Variants in F8 observed in about 807,000 individuals in gnomAD.
F8 encodes antihemophilic factor.
In F8, 12 loss-of-function variants were observed where a neutral mutation model predicts 140.6. That is an observed-to-expected ratio of 0.09 (90% confidence interval 0.05 to 0.14). The LOEUF (loss-of-function observed/expected upper bound fraction) is 0.14. Ranked by LOEUF, F8 falls within the 10% of genes least tolerant of loss-of-function variation. F8 has a pLI of 1.00. For missense variants in F8, 1,354 were observed against 1,720.7 expected (o/e 0.79, Z 3.77); for synonymous variants, 585 against 614.6 (o/e 0.95, Z 0.71).
intron 10 of F8, among the ~76,000 whole-genome samples, chrX:154,958,214 C>T (rs2073375393): frequency 9.0e-6 from 1 of 111,706 alleles, no homozygotes; most frequent in Non-Finnish European, 1.9e-5. Context: ...CTGCAACTCT[C>T]CTCTCCCCAT....
At chrX:154,912,695 G>C (rs2073074594) in intron 14 of F8, among the ~76,000 whole-genome samples, 1 of 111,999 alleles carries the variant, frequency 8.9e-6, no homozygotes, top group African/African-American at 3.2e-5. Context: ...GTCTGTATTA[G>C]TCTGTTTTCC....
At chrX:154,947,561 A>G (rs2124081896) in intron 13 of F8, 137 bp downstream of exon 13, 1 of 544,380 alleles carries the variant, frequency 1.8e-6, no homozygotes, top group East Asian at 3.3e-5. Context: ...ATAACTACTC[A>G]GAGGAGAAAC....
rs1474761921 is a variant in F8 at position 154,901,585 on chromosome X, T to G, written c.6116-143A>C. 6 of 542,709 alleles carry G rather than the reference T, an allele frequency of 1.1e-5. No homozygotes were observed. In the African/African-American group the frequency reaches 1.4e-4, roughly 12 times the overall value. The allele number at this position is 542,709 out of a possible 1,213,427, so 44.7% of individuals were successfully genotyped here. On this transcript the variant is annotated intron_variant, in intron 19 of 25. Transcript: ENST00000360256. The stretch of plus-strand genomic sequence containing the variant: ...CCAAGAACTGTACTCAACGTTTTAC[T>G]GTATTAGTTCATTTAATTAATCCTA...
chrX:154,895,931 T>A (rs2072976433), intron 22 of F8, 146 bp downstream of exon 22: 16 of 574,236 alleles, frequency 2.8e-5, no homozygotes, highest in Non-Finnish European at 4.4e-5. Flanking sequence ...TTTGCTGATA[T>A]GTCCGTAATA....
chrX:154,958,886 G>T (rs2073379716), intron 10 of F8, among the ~76,000 whole-genome samples: 1 of 111,539 alleles, frequency 9.0e-6, no homozygotes, highest in African/African-American at 3.3e-5. Flanking sequence ...AAAGTGCTGG[G>T]ATTACAGGCG....
chrX:155,001,312 CTTT>C (rs35281198), intron 1 of F8, among the ~76,000 whole-genome samples: 2,637 of 75,706 alleles, frequency 0.035, 33 homozygotes, highest in Non-Finnish European at 0.053. Flanking sequence ...TATCGTAAAT[CTTT>C]TTTTTTTTTT....
Position 154,956,967 on chromosome X carries a change from C to G in F8, c.1742G>C (p.Arg581Thr). The G allele has an allele frequency of 8.3e-7, 1 of 1,210,290 alleles. No homozygotes were observed. ...LICYKESVDQ[R>T]GNQIMSDKRN... ...AAGGCAAGAACTCACCTGGTTTCCT[C>G]TTTGATCTACAGATTCTTTGTAGCA... Residue 581 changes from arginine (R) to threonine (T), a missense_variant, in exon 11 of 26, where the codon AGA becomes ACA. By Grantham distance (71) the Arg-to-Thr change is moderately conservative. Transcript: ENST00000360256.
At chrX:154,863,004 C>T (rs192846327) in intron 23 of F8, 79 bp downstream of exon 23, 4 of 1,090,458 alleles carry the variant, frequency 3.7e-6, no homozygotes, top group Middle Eastern at 2.5e-4. Flanking sequence ...ACCCCTCCCC[C>T]AGTCTCAGGA....
At chrX:154,916,329 G>A (rs1557277105) in intron 14 of F8, among the ~76,000 whole-genome samples, 2 of 112,033 alleles carry the variant, frequency 1.8e-5, no homozygotes, top group African/African-American at 6.5e-5. Context: ...CTTGTAGAAT[G>A]AGTTTGGAAA....
intron 21 of F8, chrX:154,897,809 C>A (rs1459973942): frequency 8.9e-6 from 1 of 112,473 alleles, no homozygotes; most frequent in Non-Finnish European, 1.9e-5. Context: ...TAGAACCAGG[C>A]TACAATAAAG....
At chrX:154,840,812 C>T (rs1306741580) in intron 25 of F8, among the ~76,000 whole-genome samples, 1 of 112,008 alleles carries the variant, frequency 8.9e-6, no homozygotes, top group African/African-American at 3.2e-5. Flanking sequence ...CACAAAATCA[C>T]ATTTAAAGCT....
intron 3 of F8, 78 bp from the exon 4 acceptor site, chrX:154,993,226 A>G: frequency 2.4e-6 from 2 of 845,708 alleles, no homozygotes; most frequent in Non-Finnish European, 3.5e-6. Flanking sequence ...TATTGTCACC[A>G]ATAGGTTCTA....
intron 22 of F8, among the ~76,000 whole-genome samples, chrX:154,879,826 G>A (rs1557274303): frequency 9.0e-6 from 1 of 111,245 alleles, no homozygotes; most frequent in African/African-American, 3.3e-5. Context: ...TGGTTTAAAA[G>A]TGTATGACAT....
At chrX:154,875,626 A>G (rs1363185639) in intron 22 of F8, among the ~76,000 whole-genome samples, 2 of 111,692 alleles carry the variant, frequency 1.8e-5, no homozygotes, top group Non-Finnish European at 3.8e-5. Flanking sequence ...GCTGTTTCAT[A>G]AGCAGTAAAG....
intron 2 of F8, among the ~76,000 whole-genome samples, chrX:154,997,762 G>T (rs1384648017): frequency 8.9e-6 from 1 of 111,830 alleles, no homozygotes; most frequent in Non-Finnish European, 1.9e-5. Flanking sequence ...ACAGGAATTT[G>T]GATGAATTTG....
In F8 at chrX:154,836,422, C is replaced by G. The variant is rs950453657; in HGVS notation, c.*1175G>C. 3 of 111,144 alleles carry G rather than the reference C, an allele frequency of 2.7e-5. No individual in the cohort carries two copies. The highest frequency in any genetic ancestry group is 5.7e-5 in the Non-Finnish European group (3 of 53,048). 9.2% of individuals were successfully genotyped at this position (111,144 alleles called of 1,213,427 possible). On this transcript the variant is annotated 3_prime_UTR_variant, in exon 26 of 26. Transcript: ENST00000360256. ...GGGGGTGGAGGGCAAGAAGGGGGATCCTATTGTGTGGTGATATGGCAGACT... is the reference window on the plus strand; with the variant it reads ...GGGGGTGGAGGGCAAGAAGGGGGATGCTATTGTGTGGTGATATGGCAGACT...
chrX:154,903,693 G>A (rs1338099226), intron 18 of F8, among the ~76,000 whole-genome samples: 3 of 111,734 alleles, frequency 2.7e-5, no homozygotes, highest in Non-Finnish European at 5.7e-5. Flanking sequence ...CATTTATTCT[G>A]TTCTATTTCC....
chrX:154,840,401 G>C (rs2072511023), intron 25 of F8, among the ~76,000 whole-genome samples: 1 of 111,358 alleles, frequency 9.0e-6, no homozygotes, highest in Non-Finnish European at 1.9e-5. Flanking sequence ...TTAATCTTCT[G>C]GCACATCAAG....
intron 13 of F8, among the ~76,000 whole-genome samples, chrX:154,943,251 T>C (rs2073280768): frequency 8.9e-6 from 1 of 111,823 alleles, no homozygotes; most frequent in Non-Finnish European, 1.9e-5. Context: ...GATGTCAGGA[T>C]TGTATATCTA....
Sources: allele counts gnomAD v4.1 joint callset (sites outside exome capture counted in the v4.1 genomes callset), GRCh38; gene constraint gnomAD v4.1.1; transcripts MANE v1.5; gene names NCBI Gene and HGNC (gene_info 2026-07-23, HGNC 2026-07-21).